Variants in GLIS1 observed in about 807,000 individuals in gnomAD.
GLIS1 encodes the protein GLIS family zinc finger 1.
A neutral mutation model predicts 63.8 loss-of-function variants in GLIS1; 24 were observed. That is an observed-to-expected ratio of 0.38 (90% CI 0.27 to 0.53). The LOEUF (loss-of-function observed/expected upper bound fraction) is 0.53. GLIS1 is among the 20% of genes least tolerant of loss of function. The pLI, the probability that GLIS1 is intolerant of heterozygous loss-of-function variation, is 0.85. For missense variants in GLIS1, 1,036 were observed against 1,074.1 expected (o/e 0.96, Z 0.50); for synonymous variants, 450 against 482.5 (o/e 0.93, Z 0.88).
chr1:53,573,537 A>G (rs1326264950), intron 4 of GLIS1, among the ~76,000 whole-genome samples: 2 of 152,216 alleles, frequency 1.3e-5, no homozygotes, highest in African/African-American at 4.8e-5. Context: ...GCAGACACAC[A>G]CAGCCACACG....
At chr1:53,706,454 T>C (rs1451715357) in intron 2 of GLIS1, among the ~76,000 whole-genome samples, 1 of 152,224 alleles carries the variant, frequency 6.6e-6, no homozygotes, top group African/African-American at 2.4e-5. Flanking sequence ...CAGACCTCTA[T>C]GCAGCCTAGG....
At chr1:53,579,211 A>G (rs961974289) in intron 4 of GLIS1, among the ~76,000 whole-genome samples, 20 of 152,214 alleles carry the variant, frequency 1.3e-4, no homozygotes, top group African/African-American at 4.6e-4. Context: ...GAGGACGTCA[A>G]TGAGAAAGCC....
intron 8 of GLIS1, among the ~76,000 whole-genome samples, 163 bp from the exon 9 acceptor site, chr1:53,510,190 G>A (rs1557938762): frequency 6.6e-6 from 1 of 152,222 alleles, no homozygotes; most frequent in African/African-American, 2.4e-5. Flanking sequence ...TTTTGGTCAT[G>A]TTCAAGCCAA....
At chr1:53,587,315 A>C (rs1645145864) in intron 4 of GLIS1, among the ~76,000 whole-genome samples, 2 of 152,160 alleles carry the variant, frequency 1.3e-5, no homozygotes, top group Non-Finnish European at 2.9e-5. Context: ...AAGTGACATG[A>C]TCCCAGGAAG....
intron 4 of GLIS1, among the ~76,000 whole-genome samples, chr1:53,588,008 G>A (rs137979840): frequency 1.3e-4 from 20 of 152,302 alleles, no homozygotes; most frequent in African/African-American, 4.8e-4. Context: ...GAACTGGACT[G>A]TCCTTTCCCC....
At chr1:53,675,012 C>T (rs1003103542) in intron 2 of GLIS1, among the ~76,000 whole-genome samples, 19 of 152,190 alleles carry the variant, frequency 1.2e-4, no homozygotes, top group Non-Finnish European at 2.5e-4. Context: ...GACAGTCTGC[C>T]TGCACACACT....
intron 10 of GLIS1, 142 bp from the exon 11 acceptor site, chr1:53,506,918 A>C: frequency 1.2e-6 from 1 of 864,500 alleles, no homozygotes; most frequent in Non-Finnish European, 1.7e-6. Flanking sequence ...GGAGCCCCCA[A>C]CTTTTCCAAA....
chr1:53,634,908 C>G (rs539536006), intron 2 of GLIS1, among the ~76,000 whole-genome samples: 227 of 152,222 alleles, frequency 1.5e-3, no homozygotes, highest in African/African-American at 5.2e-3. Context: ...CGCCTTCCAT[C>G]CCCCATCTCA....
chr1:53,589,049 C>T (rs1277227627), intron 4 of GLIS1, among the ~76,000 whole-genome samples: 1 of 152,220 alleles, frequency 6.6e-6, no homozygotes, highest in African/African-American at 2.4e-5. Flanking sequence ...TTGGTATCTA[C>T]CTCCTGCCAC....
Position 53,560,464 on chromosome 1 carries a change from T to C in GLIS1, c.1321-30512A>G, listed in dbSNP as rs1015457190. On this transcript the variant is annotated intron_variant, in intron 4 of 10. Coordinates refer to ENST00000628545, the MANE Select transcript of GLIS1 (RefSeq NM_001367484.1). This position sits in a 1 kb window ranked among gnomAD's most constrained non-coding sequence, Gnocchi z 4.4. The stretch of plus-strand genomic sequence containing the variant: ...CGGACAGTTCCGGTCGGGAGATATC[T>C]GGTCCACACACGGAGCAAATATCTG... Among the ~76,000 whole-genome samples the C allele has an allele frequency of 1.3e-5, 2 of 152,224 alleles. No homozygotes were observed. The highest frequency in any genetic ancestry group is 2.4e-5 in the African/African-American group (1 of 41,444).
intron 2 of GLIS1, among the ~76,000 whole-genome samples, chr1:53,609,600 T>C (rs996006114): frequency 1.3e-5 from 2 of 152,186 alleles, no homozygotes; most frequent in Admixed American, 6.5e-5. Context: ...CTATTCTAGG[T>C]TTTCTCTCCT....
At chr1:53,557,674 A>T (rs369300518) in intron 4 of GLIS1, among the ~76,000 whole-genome samples, 1 of 152,232 alleles carries the variant, frequency 6.6e-6, no homozygotes, top group Non-Finnish European at 1.5e-5. Flanking sequence ...TTGAGCAGCT[A>T]CCAAGAAATA....
intron 2 of GLIS1, among the ~76,000 whole-genome samples, chr1:53,603,284 A>C (rs1321328595): frequency 2.6e-5 from 4 of 152,156 alleles, no homozygotes; most frequent in African/African-American, 9.7e-5. Context: ...TGGAAACATC[A>C]ACCTCCCAAC....
chr1:53,679,572 T>C (rs1557517970), intron 2 of GLIS1, among the ~76,000 whole-genome samples: 1 of 152,116 alleles, frequency 6.6e-6, no homozygotes, highest in Non-Finnish European at 1.5e-5. Context: ...GAAAGCCACT[T>C]GCCCCATTTA....
intron 4 of GLIS1, among the ~76,000 whole-genome samples, chr1:53,586,604 C>T (rs762669916): frequency 2.0e-5 from 3 of 152,190 alleles, no homozygotes; most frequent in Non-Finnish European, 2.9e-5. Context: ...GTCCTATTAC[C>T]CCAATTTCAT....
intron 6 of GLIS1, 98 bp downstream of exon 6, chr1:53,524,679 T>G (rs1644445959): frequency 1.5e-5 from 12 of 790,922 alleles, no homozygotes; most frequent in South Asian, 3.1e-5. Flanking sequence ...ACAGGGCGAG[T>G]GGGTGGGCAG....
At chr1:53,647,966 G>A (rs988312975) in intron 2 of GLIS1, among the ~76,000 whole-genome samples, 2 of 152,116 alleles carry the variant, frequency 1.3e-5, no homozygotes, top group African/African-American at 4.8e-5. Context: ...GAGCCCAGGA[G>A]TTCAAGACCA....
intron 2 of GLIS1, among the ~76,000 whole-genome samples, chr1:53,699,482 G>C (rs1018068535): frequency 1.3e-5 from 2 of 152,166 alleles, no homozygotes; most frequent in Non-Finnish European, 2.9e-5. Context: ...GACTTTGGGA[G>C]ATTTGCATTA....
chr1:53,631,990 T>C (rs1645657138), intron 2 of GLIS1, among the ~76,000 whole-genome samples: 1 of 150,770 alleles, frequency 6.6e-6, no homozygotes, highest in Non-Finnish European at 1.5e-5. Context: ...TGTGAATGAG[T>C]GTGACTAAGG....
Sources: allele counts gnomAD v4.1 joint callset (sites outside exome capture counted in the v4.1 genomes callset), GRCh38; gene constraint gnomAD v4.1.1; non-coding constraint Gnocchi (gnomAD v3.1); transcripts MANE v1.5; gene names NCBI Gene and HGNC (gene_info 2026-07-23, HGNC 2026-07-21).